NIFK: variants seen among roughly 807,000 people sequenced by gnomAD.
NIFK encodes the protein nucleolar protein interacting with the FHA domain of MKI67, also known as MKI67 FHA domain-interacting nucleolar phosphoprotein.
NIFK carries 16 observed loss-of-function variants against 31.7 expected under a neutral mutation model. That is an observed-to-expected ratio of 0.50 (90% CI 0.34 to 0.77). The LOEUF (loss-of-function observed/expected upper bound fraction) is 0.77, where lower values mean the gene tolerates loss of function less well. Ranked by LOEUF, NIFK falls within the 30% of genes least tolerant of loss-of-function variation. The pLI, the probability that NIFK is intolerant of heterozygous loss-of-function variation, is 0.01. For synonymous variants in NIFK, 126 were observed against 123.0 expected (o/e 1.02, Z -0.16); for missense variants, 341 against 350.4 (o/e 0.97, Z 0.21).
chr2:121,732,957 C>A (rs771147856), intron 2 of NIFK, among the ~76,000 whole-genome samples: 4 of 151,640 alleles, frequency 2.6e-5, no homozygotes, highest in Non-Finnish European at 5.9e-5. Context: ...TGACATGTAC[C>A]TGTAATCCCA....
At chr2:121,729,524 T>C (rs372961713) in intron 4 of NIFK, among the ~76,000 whole-genome samples, 1 of 152,202 alleles carries the variant, frequency 6.6e-6, no homozygotes, top group East Asian at 1.9e-4. Context: ...TAGCATACAG[T>C]AAACCAAAGA....
Position 121,727,097 on chromosome 2 carries a change from A to ATGTGTAGGTGTTTGAGTCTCTTGTAT in NIFK, c.*626_*627insATACAAGAGACTCAAACACCTACACA. Reference sequence around the variant, plus strand: ...GTTATTGTTTGAATCTTGAAATACAATTCTTCACTGATGATACTGGTATAA... The same window carrying ATGTGTAGGTGTTTGAGTCTCTTGTAT: ...GTTATTGTTTGAATCTTGAAATACAATGTGTAGGTGTTTGAGTCTCTTGTATTTCTTCACTGATGATACTGGTATAA... On this transcript the variant is annotated 3_prime_UTR_variant, in exon 7 of 7. Coordinates refer to ENST00000285814, the MANE Select transcript of NIFK (RefSeq NM_032390.5). 5.9e-6 allele frequency: 1 copy of ATGTGTAGGTGTTTGAGTCTCTTGTAT among 170,640 alleles called. No individual in the cohort carries two copies. The allele number at this position is 170,640 out of a possible 1,614,324, so 10.6% of individuals were successfully genotyped here.
chr2:121,735,188 A>G (rs1405894574), intron 2 of NIFK, among the ~76,000 whole-genome samples: 2 of 152,334 alleles, frequency 1.3e-5, no homozygotes, highest in East Asian at 3.9e-4. Flanking sequence ...TATTTAACAG[A>G]TCACAACACT....
At position 121,731,004 on chromosome 2, in the gene NIFK, C is replaced by T; in HGVS notation, c.453G>A (p.Arg151=). ...PSYPSVKRYN[R]NRTLTQKLRM... ...GTAGCTTTTGTGTTAGTGTCCGATTCCGATTATACCGTTTCACTGATGGAT... is the reference window on the plus strand; with the variant it reads ...GTAGCTTTTGTGTTAGTGTCCGATTTCGATTATACCGTTTCACTGATGGAT... The change falls in exon 4 of 7, where the codon CGG becomes CGA. Residue 151 remains arginine, a synonymous_variant. Coordinates refer to ENST00000285814, the MANE Select transcript of NIFK (RefSeq NM_032390.5). 6.2e-7 allele frequency: 1 copy of T among 1,612,598 alleles called. No individual in the cohort carries two copies. The highest frequency in any genetic ancestry group is 8.5e-7 in the Non-Finnish European group (1 of 1,178,782).
intron 2 of NIFK, among the ~76,000 whole-genome samples, 180 bp from the exon 3 acceptor site, chr2:121,732,384 T>C (rs1438782295): frequency 1.3e-5 from 2 of 152,224 alleles, no homozygotes; most frequent in East Asian, 3.8e-4. Context: ...AAAGAAAAGA[T>C]GCACGAGTCT....
At chr2:121,731,388 C>G (rs7573148) in intron 3 of NIFK, among the ~76,000 whole-genome samples, 27,347 of 152,158 alleles carry the variant, frequency 0.18, 4,054 homozygotes, top group African/African-American at 0.4. Flanking sequence ...CAGGGATGCT[C>G]TCTGCACCCT....
chr2:121,728,741 G>A, intron 4 of NIFK: 1 of 475,324 alleles, frequency 2.1e-6, no homozygotes, highest in Non-Finnish European at 3.7e-6. Flanking sequence ...GAGCTGCAGA[G>A]GTTGAAGGGA....
In NIFK at chr2:121,728,301, G is replaced by A. The variant is rs1468969262; in HGVS notation, c.680C>T (p.Thr227Ile). The change falls in exon 6 of 7, where the codon ACT (threonine) becomes ATT (isoleucine). Residue 227 changes from threonine to isoleucine, a missense_variant. Coordinates refer to ENST00000285814, the MANE Select transcript of NIFK (RefSeq NM_032390.5). Reference protein sequence around the residue: ...VSGTLDTPEKTVDSQGPTPVC... With the variant: ...VSGTLDTPEKIVDSQGPTPVC... ...AAACCATTTTACCTGGCTATCCACA[G>A]TCTTCTCAGGAGTGTCAAGAGTACC... The A allele has an allele frequency of 6.2e-7, 1 of 1,602,012 alleles. No homozygotes were observed. The highest frequency in any genetic ancestry group is 8.5e-7 in the Non-Finnish European group (1 of 1,173,842).
rs750755805 is a variant in NIFK at position 121,735,685 on chromosome 2, G to A, written c.171C>T (p.Asp57=). 3 of 1,613,168 alleles carry A rather than the reference G, an allele frequency of 1.9e-6. No homozygotes were observed. The highest frequency in any genetic ancestry group is 2.2e-5 in the East Asian group (1 of 44,884). Reference sequence around the variant, plus strand: ...AGAAATATGAAAAGATCTGGGTTTCGTCAAGTAGGTTAGGTAGGTGGCGCA... The same window carrying A: ...AGAAATATGAAAAGATCTGGGTTTCATCAAGTAGGTTAGGTAGGTGGCGCA... ...VYVRHLPNLL[D]ETQIFSYFSQ... Residue 57 remains aspartate, a synonymous_variant, in exon 2 of 7, where the codon GAC becomes GAT. Transcript: ENST00000285814.
At chr2:121,730,538 G>T (rs1559905150) in intron 4 of NIFK, 1 of 208,218 alleles carries the variant, frequency 4.8e-6, no homozygotes. Context: ...TCTCAAAAAA[G>T]AAAAAAAAGT....
At chr2:121,732,439 TATG>T (rs1355148121) in intron 2 of NIFK, among the ~76,000 whole-genome samples, 2 of 152,198 alleles carry the variant, frequency 1.3e-5, no homozygotes, top group African/African-American at 4.8e-5. Flanking sequence ...TTTGGTTACA[TATG>T]ATAAATACAC....
intron 1 of NIFK, among the ~76,000 whole-genome samples, chr2:121,736,159 C>A (rs1015450150): frequency 5.3e-5 from 8 of 152,212 alleles, no homozygotes; most frequent in African/African-American, 1.9e-4. Flanking sequence ...AGCCTTTCAA[C>A]GTCTCAGTCA....
chr2:121,736,603 C>A, intron 1 of NIFK, 143 bp downstream of exon 1: 5 of 685,250 alleles, frequency 7.3e-6, no homozygotes, highest in Non-Finnish European at 1.3e-5. Flanking sequence ...CTGATTCGGT[C>A]GAATCCACTT....
intron 2 of NIFK, among the ~76,000 whole-genome samples, chr2:121,734,994 G>C (rs1433747591): frequency 1.3e-5 from 2 of 152,036 alleles, no homozygotes; most frequent in African/African-American, 4.8e-5. Context: ...TTATGTGCGG[G>C]GAAAGAAAAG....
Position 121,727,705 on chromosome 2 carries a change from AAATAT to A in NIFK, c.*14_*18del. On this transcript the variant is annotated 3_prime_UTR_variant, in exon 7 of 7. Transcript: ENST00000285814. ...ATAAAAATATTATATTTTTCAAAAGAAATATAATACATTGAAAATCACTGATTGCT... is the reference window on the plus strand; with the variant it reads ...ATAAAAATATTATATTTTTCAAAAGAAATACATTGAAAATCACTGATTGCT... 1 of 1,559,272 alleles carries A rather than the reference AAATAT, an allele frequency of 6.4e-7. No homozygotes were observed. The highest frequency in any genetic ancestry group is 8.7e-7 in the Non-Finnish European group (1 of 1,146,322).
rs1396824524 is a variant in NIFK at position 121,736,870 on chromosome 2, A to G, written c.-20T>C. 1 of 1,600,668 alleles carries G rather than the reference A, an allele frequency of 6.2e-7. No individual in the cohort carries two copies. The highest frequency in any genetic ancestry group is 8.6e-7 in the Non-Finnish European group (1 of 1,168,052). On this transcript the variant is annotated 5_prime_UTR_variant, in exon 1 of 7. Coordinates refer to ENST00000285814, the MANE Select transcript of NIFK (RefSeq NM_032390.5). ...CGCCATGCCAAAAGCCGCCGACGCT[A>G]ACCACGCGGCGCTCCCGGAAACGTC...
Position 121,732,197 on chromosome 2 carries a change from T to C in NIFK, c.251A>G (p.Asn84Ser), listed in dbSNP as rs778406527. The C allele has an allele frequency of 6.2e-6, 10 of 1,604,692 alleles. No individual in the cohort carries two copies. Among genetic ancestry groups the C allele is most frequent in the Non-Finnish European group, 8.5e-6 (10 of 1,172,110 alleles). ...CTCCACAAATGCATAGCCTTTGCTATTTCCAGTCTGCAACAGAGAAACCGC... is the reference window on the plus strand; with the variant it reads ...CTCCACAAATGCATAGCCTTTGCTACTTCCAGTCTGCAACAGAGAAACCGC... ...FRLSRSKRTG[N>S]SKGYAFVEFE... Residue 84 changes from asparagine (N) to serine (S), a missense_variant, in exon 3 of 7, where the codon AAT becomes AGT. Asn to Ser is a conservative substitution (Grantham distance 46, BLOSUM62 1). Coordinates refer to ENST00000285814, the MANE Select transcript of NIFK (RefSeq NM_032390.5).
In NIFK at chr2:121,735,698, G is replaced by A; in HGVS notation, c.158C>T (p.Pro53Leu). Residue 53 changes from proline to leucine, a missense_variant, in exon 2 of 7, where the codon CCT becomes CTT. Physicochemically the swap from Pro to Leu is moderately conservative, Grantham distance 98 (BLOSUM62 -3). Coordinates refer to ENST00000285814, the MANE Select transcript of NIFK (RefSeq NM_032390.5). ...TPGVVYVRHL[P>L]NLLDETQIFS... is the part of the protein sequence containing the mutation. ...GATCTGGGTTTCGTCAAGTAGGTTA[G>A]GTAGGTGGCGCACATAGACTACTCC... The A allele has an allele frequency of 1.2e-6, 2 of 1,613,434 alleles. No individual in the cohort carries two copies. Among genetic ancestry groups the A allele is most frequent in the East Asian group, 2.2e-5 (1 of 44,884 alleles).
At chr2:121,732,037 A>G in intron 3 of NIFK, 59 bp downstream of exon 3, 1 of 952,126 alleles carries the variant, frequency 1.1e-6, no homozygotes, top group Non-Finnish European at 1.7e-6. Context: ...CCTTCCCACC[A>G]CAGTCACCCA....
Sources: allele counts gnomAD v4.1 joint callset (sites outside exome capture counted in the v4.1 genomes callset), GRCh38; gene constraint gnomAD v4.1.1; transcripts MANE v1.5; gene names NCBI Gene and HGNC (gene_info 2026-07-23, HGNC 2026-07-21).